Variants in LHFPL5 observed in about 807,000 individuals in gnomAD.
LHFPL5 encodes the protein LHFPL tetraspan subfamily member 5 protein.
A neutral mutation model predicts 18.7 loss-of-function variants in LHFPL5; 12 were observed. The ratio of observed to expected loss-of-function variants is 0.64; its 90% CI spans 0.41 to 1.04. The LOEUF (loss-of-function observed/expected upper bound fraction) is 1.04. LHFPL5 is among the 50% of genes least tolerant of loss of function. The pLI, the probability that LHFPL5 is intolerant of heterozygous loss-of-function variation, is 0.00. For synonymous variants in LHFPL5, 111 were observed against 120.2 expected, an observed-to-expected ratio of 0.92 and a Z score of 0.50; for missense variants, 259 against 292.1, an observed-to-expected ratio of 0.89 and a Z score of 0.83.
At position 35,814,151 on chromosome 6, in the gene LHFPL5, A is replaced by G. The variant is rs1768718716; in HGVS notation, c.413-395A>G. ...AGATGTTGTAAGTACGAAGAAATGT[A>G]CATCTCAGCAGTGATGAGTTCTTTG... is the stretch of plus-strand genomic sequence containing the variant. On this transcript the variant is annotated intron_variant, in intron 1 of 3. Coordinates refer to ENST00000360215, the MANE Select transcript of LHFPL5 (RefSeq NM_182548.4). This position sits in a 1 kb window ranked among gnomAD's most constrained non-coding sequence, Gnocchi z 4.2. Among the ~76,000 whole-genome samples the G allele has an allele frequency of 6.6e-6, 1 of 152,186 alleles. No individual in the cohort carries two copies. Among genetic ancestry groups the G allele is most frequent in the Non-Finnish European group, 1.5e-5 (1 of 68,036 alleles).
chr6:35,820,427 G>A lies in LHFPL5; in HGVS notation c.*16+964G>A, dbSNP rs78562231. On this transcript the variant is annotated intron_variant, in intron 3 of 3. Transcript: ENST00000360215. ...TTAAAAAAGAAAAAGAGGACCGGGC[G>A]CGGTGACTCACGCCTGTAATCCCAG... Among the ~76,000 whole-genome samples, 114 of 152,266 alleles carry A rather than the reference G, an allele frequency of 7.5e-4. No homozygotes were observed. The East Asian group carries it at 0.013, about 18-fold the overall frequency.
chr6:35,818,554 G>T (rs577108951), intron 2 of LHFPL5, among the ~76,000 whole-genome samples: 1 of 151,282 alleles, frequency 6.6e-6, no homozygotes, highest in Non-Finnish European at 1.5e-5. Context: ...TAGAGACGGG[G>T]TTCCACCATG....
At chr6:35,818,395 G>C (rs1768808679) in intron 2 of LHFPL5, among the ~76,000 whole-genome samples, 1 of 123,614 alleles carries the variant, frequency 8.1e-6, no homozygotes, top group Admixed American at 9.9e-5. Flanking sequence ...TTCTGGCTCT[G>C]TCACCCAGGC....
intron 1 of LHFPL5, among the ~76,000 whole-genome samples, chr6:35,811,783 G>A (rs957868216): frequency 2.0e-5 from 3 of 152,234 alleles, no homozygotes; most frequent in African/African-American, 7.2e-5. Context: ...GGCTGGCTAC[G>A]TAGGTTTCAC....
chr6:35,822,889 C>A (rs1476638572), intron 3 of LHFPL5, 93 bp from the exon 4 acceptor site: 3 of 152,192 alleles, frequency 2.0e-5, no homozygotes, highest in Non-Finnish European at 4.4e-5. Context: ...GGATTACAGG[C>A]GTGAACCACT....
chr6:35,815,397 C>T (rs566673336), intron 2 of LHFPL5, among the ~76,000 whole-genome samples: 46 of 152,270 alleles, frequency 3.0e-4, no homozygotes, highest in African/African-American at 1.1e-3. Context: ...GATTGCTTCC[C>T]ATTACTCCCT....
At chr6:35,818,724 G>A (rs1768814932) in intron 2 of LHFPL5, among the ~76,000 whole-genome samples, 1 of 150,298 alleles carries the variant, frequency 6.7e-6, no homozygotes, top group Non-Finnish European at 1.5e-5. Context: ...CACTAACAAT[G>A]CCTGCACATT....
rs1768911082 is a variant in LHFPL5, at chr6:35,823,430, TACACACACACATATATATAC to T, written c.*477_*496del. On this transcript the variant is annotated 3_prime_UTR_variant, in exon 4 of 4. Coordinates refer to ENST00000360215, the MANE Select transcript of LHFPL5 (RefSeq NM_182548.4). ...ACACACACACACACACACACATACATACACACACACATATATATACACACACACACACACACACACACACA... is the reference window on the plus strand; with the variant it reads ...ACACACACACACACACACACATACATACACACACACACACACACACACACA... 1 of 83,444 alleles carries T rather than the reference TACACACACACATATATATAC, an allele frequency of 1.2e-5. No homozygotes were observed. The highest frequency in any genetic ancestry group is 2.6e-5 in the Non-Finnish European group (1 of 38,560). 5.2% of individuals were successfully genotyped at this position (83,444 alleles called of 1,614,324 possible). A position where few individuals can be genotyped will look rare whatever the true frequency, so the allele number is the denominator to read the frequency against.
chr6:35,816,144 G>A (rs1315294671), intron 2 of LHFPL5, among the ~76,000 whole-genome samples: 6 of 145,624 alleles, frequency 4.1e-5, no homozygotes, highest in East Asian at 2.0e-4. Flanking sequence ...GCAGTCCGCA[G>A]TCCGGCCTGG....
At chr6:35,808,757 C>T (rs1398611651) in intron 1 of LHFPL5, among the ~76,000 whole-genome samples, 1 of 151,816 alleles carries the variant, frequency 6.6e-6, no homozygotes, top group East Asian at 1.9e-4. Context: ...TGCAAACCCC[C>T]CTTCCCTGAA....
In LHFPL5 at chr6:35,814,066, G is replaced by A. The variant is rs1768717289; in HGVS notation, c.413-480G>A. Among the ~76,000 whole-genome samples the A allele has an allele frequency of 6.6e-6, 1 of 152,112 alleles. No homozygotes were observed. The highest frequency in any genetic ancestry group is 2.4e-5 in the African/African-American group (1 of 41,422). On this transcript the variant is annotated intron_variant, in intron 1 of 3. Coordinates refer to ENST00000360215, the MANE Select transcript of LHFPL5 (RefSeq NM_182548.4). This position sits in a 1 kb window ranked among gnomAD's most constrained non-coding sequence, Gnocchi z 4.2. ...CCCGCCTCGACCTCCCAAAGTGCTG[G>A]GATTACAGGTGTGAGCCACCACCCC...
In LHFPL5 at chr6:35,805,876, T is replaced by C. The variant is rs886061344; in HGVS notation, c.206T>C (p.Val69Ala). 17 of 1,614,034 alleles carry C rather than the reference T, an allele frequency of 1.1e-5. No individual in the cohort carries two copies. Among genetic ancestry groups the C allele is most frequent in the Non-Finnish European group, 1.7e-6 (2 of 1,180,018 alleles). The change falls in exon 1 of 4, where the codon GTG becomes GCG. Residue 69 changes from valine (V) to alanine (A), a missense_variant. Physicochemically the swap from Val to Ala is moderately conservative, Grantham distance 64. Transcript: ENST00000360215. The surrounding 1 kb of genome is among the most constrained non-coding windows in gnomAD (Gnocchi z 4.3). The stretch of plus-strand genomic sequence containing the variant: ...TACTTCGGCCTTTTCTCCTACTGCG[T>C]GGGTAACGTGCTGTCCTCCGAGCTC... ...AGYFGLFSYC[V>A]GNVLSSELIC...
Position 35,806,062 on chromosome 6 carries a change from C to T in LHFPL5, c.392C>T (p.Ala131Val). The T allele has an allele frequency of 6.2e-7, 1 of 1,614,118 alleles. No homozygotes were observed. The highest frequency in any genetic ancestry group is 8.5e-7 in the Non-Finnish European group (1 of 1,180,042). The stretch of plus-strand genomic sequence containing the variant: ...ACGGCCACAGTCTATAAGATCTGTG[C>T]ATGGATGCAGCTGGCTGCGGGTAAG... ...CNTATVYKICAWMQLAAATGL... is the reference protein window; with the variant it reads ...CNTATVYKICVWMQLAAATGL... Residue 131 changes from alanine to valine, a missense_variant, in exon 1 of 4, where the codon GCA (alanine) becomes GTA (valine). Coordinates refer to ENST00000360215, the MANE Select transcript of LHFPL5 (RefSeq NM_182548.4).
intron 1 of LHFPL5, among the ~76,000 whole-genome samples, chr6:35,810,826 C>CAAAA (rs11339201): frequency 4.6e-5 from 4 of 87,734 alleles, no homozygotes; most frequent in Non-Finnish European, 4.8e-5. Context: ...GACTCCGTCT[C>CAAAA]AAAAAAAAAA....
chr6:35,818,541 T>G (rs1395979823), intron 2 of LHFPL5, among the ~76,000 whole-genome samples: 1 of 151,520 alleles, frequency 6.6e-6, no homozygotes, highest in South Asian at 2.1e-4. Context: ...AAAATTTTTT[T>G]TGTAGAGACG....
At chr6:35,813,467 T>C (rs756003455) in intron 1 of LHFPL5, among the ~76,000 whole-genome samples, 3 of 151,898 alleles carry the variant, frequency 2.0e-5, no homozygotes, top group Non-Finnish European at 4.4e-5. Flanking sequence ...ATGGTCTCGA[T>C]CTCCTGACTT....
intron 1 of LHFPL5, among the ~76,000 whole-genome samples, chr6:35,807,560 T>C (rs1217604459): frequency 6.6e-6 from 1 of 152,114 alleles, no homozygotes; most frequent in African/African-American, 2.4e-5. Context: ...ACCATCTCAT[T>C]GGTCAGAATG....
intron 2 of LHFPL5, among the ~76,000 whole-genome samples, 170 bp from the exon 3 acceptor site, chr6:35,819,267 A>G (rs995570865): frequency 7.9e-5 from 12 of 152,236 alleles, no homozygotes; most frequent in African/African-American, 2.7e-4. Flanking sequence ...CTGGTAAGGG[A>G]GACAATCATG....
intron 1 of LHFPL5, among the ~76,000 whole-genome samples, chr6:35,807,374 A>G (rs2817026): frequency 0.043 from 6,533 of 152,216 alleles, 433 homozygotes; most frequent in African/African-American, 0.14. Context: ...CTAGCTCAGG[A>G]AGGCTTCTTG....
Sources: gnomAD v4.1 joint callset for allele counts (sites outside exome capture counted in the v4.1 genomes callset) on GRCh38, gnomAD v4.1.1 for gene constraint, Gnocchi (gnomAD v3.1) non-coding constraint, MANE v1.5 for transcripts, NCBI Gene and HGNC (gene_info 2026-07-23, HGNC 2026-07-21) for gene names.